The following NALF1 variants were observed in gnomAD, a reference collection of about 807,000 sequenced individuals.
NALF1 encodes family with sequence similarity 155 member A.
Under a neutral mutation model 48.4 loss-of-function variants are expected in NALF1, and 3 were observed. The ratio of observed to expected loss-of-function variants is 0.06; its 90% CI spans 0.03 to 0.16. The LOEUF (loss-of-function observed/expected upper bound fraction) is 0.16. Among genes scored for constraint, NALF1 ranks in the 10% least tolerant of loss-of-function variants. NALF1 has a pLI of 1.00. For missense variants in NALF1, 526 were observed against 571.5 expected, an observed-to-expected ratio of 0.92 and a Z score of 0.81; for synonymous variants, 262 against 245.7, an observed-to-expected ratio of 1.07 and a Z score of -0.62.
chr13:107,858,693 GATTA>G (rs1402196786), intron 1 of NALF1, among the ~76,000 whole-genome samples: 6 of 152,114 alleles, frequency 3.9e-5, no homozygotes, highest in Admixed American at 6.6e-5. Flanking sequence ...TCTCAAAATA[GATTA>G]ATTAATTAAT....
intron 1 of NALF1, among the ~76,000 whole-genome samples, chr13:107,407,022 T>C (rs970420346): frequency 4.0e-5 from 6 of 151,894 alleles, no homozygotes; most frequent in African/African-American, 7.2e-5. Context: ...CTGGAAAAGA[T>C]AGTCTTTTCA....
chr13:107,785,725 CA>C (rs1381891972), intron 1 of NALF1, among the ~76,000 whole-genome samples: 12 of 152,184 alleles, frequency 7.9e-5, no homozygotes, highest in African/African-American at 2.7e-4. Flanking sequence ...CAGTGAGATG[CA>C]AATAAATACC....
chr13:107,562,670 A>G (rs1454233289), intron 1 of NALF1, among the ~76,000 whole-genome samples: 1 of 152,218 alleles, frequency 6.6e-6, no homozygotes, highest in Non-Finnish European at 1.5e-5. Context: ...TAACAAACAT[A>G]ATGCCATTTG....
chr13:107,550,243 T>A (rs530937423), intron 1 of NALF1, among the ~76,000 whole-genome samples: 1 of 152,276 alleles, frequency 6.6e-6, no homozygotes, highest in East Asian at 1.9e-4. Context: ...TTCATTTAAA[T>A]TCAGCTCCAG....
intron 1 of NALF1, among the ~76,000 whole-genome samples, chr13:107,214,161 A>C (rs1468482355): frequency 1.3e-5 from 2 of 152,204 alleles, no homozygotes; most frequent in Non-Finnish European, 2.9e-5. Flanking sequence ...AGGTGAGAGA[A>C]GGCCATGGCT....
chr13:107,193,683 T>C (rs1053527220), intron 2 of NALF1, among the ~76,000 whole-genome samples: 3 of 152,122 alleles, frequency 2.0e-5, no homozygotes, highest in African/African-American at 4.8e-5. Context: ...CTGGGTTACA[T>C]GATTGCCCAA....
At chr13:107,614,463 C>T (rs375775842) in intron 1 of NALF1, among the ~76,000 whole-genome samples, 2 of 152,268 alleles carry the variant, frequency 1.3e-5, no homozygotes, top group African/African-American at 4.8e-5. Context: ...TCACCTAAAC[C>T]TCCACCCACA....
chr13:107,686,111 AG>A (rs1383932840), intron 1 of NALF1, among the ~76,000 whole-genome samples: 1 of 152,162 alleles, frequency 6.6e-6, no homozygotes, highest in Non-Finnish European at 1.5e-5. Context: ...TGAAATGCTA[AG>A]GGTTGAATGA....
At chr13:107,311,572 TA>T (rs1230835431) in intron 1 of NALF1, among the ~76,000 whole-genome samples, 1 of 150,552 alleles carries the variant, frequency 6.6e-6, no homozygotes, top group Non-Finnish European at 1.5e-5. Flanking sequence ...TGATATAATA[TA>T]ATAAAAATAA....
At chr13:107,799,855 A>T (rs545177265) in intron 1 of NALF1, among the ~76,000 whole-genome samples, 94 of 152,320 alleles carry the variant, frequency 6.2e-4, no homozygotes, top group African/African-American at 2.2e-3. Flanking sequence ...AATGACAAAA[A>T]ATCAGGTGAA....
intron 1 of NALF1, among the ~76,000 whole-genome samples, chr13:107,645,496 T>C (rs895145324): frequency 1.3e-5 from 2 of 152,144 alleles, no homozygotes. Flanking sequence ...CACCCAATTG[T>C]TTTGGGTTTA....
intron 1 of NALF1, among the ~76,000 whole-genome samples, chr13:107,247,868 G>A (rs1292883560): frequency 6.6e-6 from 1 of 152,042 alleles, no homozygotes; most frequent in Non-Finnish European, 1.5e-5. Context: ...ACATAGAAAC[G>A]AGCTGAATAT....
At chr13:107,215,248 T>A (rs1370640228) in intron 1 of NALF1, among the ~76,000 whole-genome samples, 3 of 152,216 alleles carry the variant, frequency 2.0e-5, no homozygotes, top group African/African-American at 7.2e-5. Flanking sequence ...TCCGAACATA[T>A]CCTTTTTCTT....
chr13:107,748,917 T>C (rs184409872), intron 1 of NALF1, among the ~76,000 whole-genome samples: 30 of 152,174 alleles, frequency 2.0e-4, no homozygotes, highest in African/African-American at 7.0e-4. Context: ...CCAGATAGCC[T>C]GAGAACACAC....
At chr13:107,565,063 T>C (rs1422891094) in intron 1 of NALF1, among the ~76,000 whole-genome samples, 1 of 33,868 alleles carries the variant, frequency 3.0e-5, no homozygotes, top group Non-Finnish European at 5.5e-5. Context: ...GGGTGATATC[T>C]GCAAAAAAAA....
At chr13:107,413,857 G>A (rs1006210883) in intron 1 of NALF1, among the ~76,000 whole-genome samples, 3 of 152,238 alleles carry the variant, frequency 2.0e-5, no homozygotes, top group Non-Finnish European at 4.4e-5. Flanking sequence ...CGCAATCTCA[G>A]CTCACTGTAA....
At chr13:107,446,435 A>ACACACACACAC (rs66778475) in intron 1 of NALF1, among the ~76,000 whole-genome samples, 58 of 151,602 alleles carry the variant, frequency 3.8e-4, no homozygotes, top group Middle Eastern at 3.4e-3. Flanking sequence ...ACACACACAC[A>ACACACACACAC]TATTTTTACT....
At chr13:107,679,613 G>GC (rs1025523987) in intron 1 of NALF1, among the ~76,000 whole-genome samples, 2 of 152,154 alleles carry the variant, frequency 1.3e-5, no homozygotes, top group Admixed American at 6.5e-5. Flanking sequence ...CCTCCTCAGC[G>GC]CCCCCCACGG....
At chr13:107,534,072 G>T (rs1876725729) in intron 1 of NALF1, among the ~76,000 whole-genome samples, 1 of 152,006 alleles carries the variant, frequency 6.6e-6, no homozygotes. Flanking sequence ...CCAGGGTAAT[G>T]ATATAAAAAT....
Sources: gnomAD v4.1 joint callset for allele counts (sites outside exome capture counted in the v4.1 genomes callset) on GRCh38, gnomAD v4.1.1 for gene constraint, MANE v1.5 for transcripts, NCBI Gene and HGNC (gene_info 2026-07-23, HGNC 2026-07-21) for gene names.